LIMD1: variants seen among roughly 807,000 people sequenced by gnomAD.
LIMD1 encodes LIM domain-containing protein 1.
Under a neutral mutation model 58.4 loss-of-function variants are expected in LIMD1, and 23 were observed. The ratio of observed to expected loss-of-function variants is 0.39; its 90% CI spans 0.28 to 0.56. The LOEUF (loss-of-function observed/expected upper bound fraction) is 0.56. Ranked by LOEUF, LIMD1 falls within the 20% of genes least tolerant of loss-of-function variation. The pLI, the probability that LIMD1 is intolerant of heterozygous loss-of-function variation, is 0.57. For synonymous variants in LIMD1, 334 were observed against 345.5 expected (o/e 0.97, Z 0.37); for missense variants, 838 against 855.5 (o/e 0.98, Z 0.25).
chr3:45,623,016 G>T (rs1701640815), intron 1 of LIMD1, among the ~76,000 whole-genome samples: 1 of 152,152 alleles, frequency 6.6e-6, no homozygotes, highest in South Asian at 2.1e-4. Flanking sequence ...CAGAAAGGTT[G>T]TCCACGTTTA....
chr3:45,625,674 T>C lies in LIMD1; in HGVS notation c.1409-10476T>C, dbSNP rs142327849. ...TTGTGAATGGATTAATAATGGTATA[T>C]CTGGAGCGGGTTCCTGGTAAAAGGA... On this transcript the variant is annotated intron_variant, in intron 1 of 7. Transcript: ENST00000273317. Among the ~76,000 whole-genome samples the C allele has an allele frequency of 7.2e-5, 11 of 152,190 alleles. No homozygotes were observed. The East Asian group carries it at 2.0e-3, about 27-fold the overall frequency.
Position 45,677,491 on chromosome 3 carries a change from A to T in LIMD1, c.*432A>T, listed in dbSNP as rs77736340. 1.1e-3 allele frequency: 167 copies of T among 157,014 alleles called. No individual in the cohort carries two copies. Among genetic ancestry groups the T allele is most frequent in the African/African-American group, 3.7e-3 (154 of 41,620 alleles). The allele number at this position is 157,014 out of a possible 1,614,324, so 9.7% of individuals were successfully genotyped here. On this transcript the variant is annotated 3_prime_UTR_variant, in exon 8 of 8. Transcript: ENST00000273317. ...TCTCTTCCTTCAGGAAAATACCTAT[A>T]CCCAAATGTTCCCTCCCCCGACATA...
intron 1 of LIMD1, among the ~76,000 whole-genome samples, chr3:45,605,868 G>A (rs1701463520): frequency 6.6e-6 from 1 of 152,174 alleles, no homozygotes; most frequent in Non-Finnish European, 1.5e-5. Flanking sequence ...GGTGTTGTTG[G>A]GTCTCAGGCC....
intron 2 of LIMD1, among the ~76,000 whole-genome samples, chr3:45,645,326 G>A (rs114576386): frequency 1.1e-3 from 165 of 152,320 alleles, no homozygotes; most frequent in African/African-American, 3.9e-3. Flanking sequence ...TCCCTGACAG[G>A]GAAGACCATC....
Position 45,595,308 on chromosome 3 carries a change from T to C in LIMD1, c.429T>C (p.His143=). The change falls in exon 1 of 8, where the codon CAT becomes CAC. Residue 143 remains histidine, a synonymous_variant. Transcript: ENST00000273317. ...RSRPYLHGTR[H]GSQDCGSRES... The stretch of plus-strand genomic sequence containing the variant: ...GGCCATACCTGCATGGCACGAGGCA[T>C]GGCAGCCAGGACTGTGGTTCCAGGG... 1 of 1,613,452 alleles carries C rather than the reference T, an allele frequency of 6.2e-7. No individual in the cohort carries two copies. Among genetic ancestry groups the C allele is most frequent in the Non-Finnish European group, 8.5e-7 (1 of 1,180,028 alleles).
At chr3:45,598,807 G>C (rs1247873054) in intron 1 of LIMD1, among the ~76,000 whole-genome samples, 1 of 152,194 alleles carries the variant, frequency 6.6e-6, no homozygotes, top group African/African-American at 2.4e-5. Context: ...TGTTTTCCCA[G>C]GGAAATGGTG....
rs1230411548 is a variant in LIMD1 at position 45,685,005 on chromosome 3, CT to C, written c.*7947del. On this transcript the variant is annotated 3_prime_UTR_variant, in exon 8 of 8. Coordinates refer to ENST00000273317, the MANE Select transcript of LIMD1 (RefSeq NM_014240.3). ...TATCTGCCTAAATTTTTTTTAACTA[CT>C]ATATTAAAAGGTCTGTAAGTGGGAG... is the stretch of plus-strand genomic sequence containing the variant. 1 of 152,100 alleles carries C rather than the reference CT, an allele frequency of 6.6e-6. No homozygotes were observed. The highest frequency in any genetic ancestry group is 1.5e-5 in the Non-Finnish European group (1 of 68,022). The allele number at this position is 152,100 out of a possible 1,614,324, so 9.4% of individuals were successfully genotyped here.
At chr3:45,676,779 C>A in intron 7 of LIMD1, 143 bp from the exon 8 acceptor site, 1 of 788,740 alleles carries the variant, frequency 1.3e-6, no homozygotes, top group Non-Finnish European at 2.2e-6. Flanking sequence ...CTCCACGGGG[C>A]AGGAGCTGTG....
At chr3:45,606,428 A>G (rs1701468435) in intron 1 of LIMD1, among the ~76,000 whole-genome samples, 1 of 152,204 alleles carries the variant, frequency 6.6e-6, no homozygotes, top group Admixed American at 6.5e-5. Context: ...GCAGCAAAGA[A>G]GGCAGAGTGT....
chr3:45,655,964 T>C (rs1236430040), intron 2 of LIMD1, among the ~76,000 whole-genome samples: 1 of 152,234 alleles, frequency 6.6e-6, no homozygotes, highest in Non-Finnish European at 1.5e-5. Flanking sequence ...ATGTTGAATC[T>C]CTAATCCCAA....
At chr3:45,596,434 T>G in intron 1 of LIMD1, 147 bp downstream of exon 1, 1 of 672,376 alleles carries the variant, frequency 1.5e-6, no homozygotes, top group Non-Finnish European at 2.5e-6. Flanking sequence ...GGGCTTCCTC[T>G]TTCAGCTGCT....
intron 2 of LIMD1, among the ~76,000 whole-genome samples, chr3:45,655,002 C>T (rs1702014668): frequency 6.6e-6 from 1 of 151,046 alleles, no homozygotes; most frequent in South Asian, 2.1e-4. Context: ...TCACTGCAAC[C>T]TCTGCCACCC....
intron 2 of LIMD1, among the ~76,000 whole-genome samples, chr3:45,664,051 A>G (rs1697480501): frequency 6.6e-6 from 1 of 151,650 alleles, no homozygotes; most frequent in African/African-American, 2.4e-5. Context: ...TTGTATTTTT[A>G]GTAGAGATGG....
intron 7 of LIMD1, among the ~76,000 whole-genome samples, chr3:45,674,972 A>G (rs960354179): frequency 3.3e-5 from 5 of 152,226 alleles, no homozygotes; most frequent in Middle Eastern, 3.2e-3. Context: ...GTTGCCCCTC[A>G]CCAACCCTTG....
chr3:45,648,631 T>G (rs1701930883), intron 2 of LIMD1, among the ~76,000 whole-genome samples: 2 of 152,238 alleles, frequency 1.3e-5, no homozygotes, highest in African/African-American at 4.8e-5. Context: ...ATGGTAACTG[T>G]GTTTAACCTT....
chr3:45,629,301 T>C (rs888007990), intron 1 of LIMD1, among the ~76,000 whole-genome samples: 10 of 150,452 alleles, frequency 6.6e-5, no homozygotes, highest in Non-Finnish European at 1.5e-4. Flanking sequence ...TAATCCCAGC[T>C]ACTCAGGAGA....
intron 1 of LIMD1, among the ~76,000 whole-genome samples, chr3:45,621,744 AC>A (rs1203131165): frequency 2.0e-5 from 3 of 152,202 alleles, no homozygotes; most frequent in Non-Finnish European, 4.4e-5. Context: ...GGTATACTTC[AC>A]ATTACCGTAA....
rs551631355 is a variant in LIMD1, at chr3:45,619,104, T to A, written c.1409-17046T>A. ...ATGGTTTTGGAAATCATAAAATGTT[T>A]TTGTTGCTTGTCTTATCTAAACTGA... On this transcript the variant is annotated intron_variant, in intron 1 of 7. Coordinates refer to ENST00000273317, the MANE Select transcript of LIMD1 (RefSeq NM_014240.3). 4.3e-4 allele frequency among the ~76,000 whole-genome samples: 65 copies of A among 152,344 alleles called. 1 individual carries two copies. The highest frequency in any genetic ancestry group is 1.2e-3 in the African/African-American group (50 of 41,584).
At chr3:45,627,732 G>T (rs185777650) in intron 1 of LIMD1, among the ~76,000 whole-genome samples, 1,878 of 147,964 alleles carry the variant, frequency 0.013, 56 homozygotes, top group African/African-American at 0.045. Context: ...AAAAGGCCAG[G>T]TGCGGTAGCT....
Sources: allele counts gnomAD v4.1 joint callset (sites outside exome capture counted in the v4.1 genomes callset), GRCh38; gene constraint gnomAD v4.1.1; transcripts MANE v1.5; gene names NCBI Gene and HGNC (gene_info 2026-07-23, HGNC 2026-07-21).